VLDLR: variants seen among roughly 807,000 people sequenced by gnomAD.
VLDLR encodes the protein very low density lipoprotein receptor.
In VLDLR, 81 loss-of-function variants were observed where a neutral mutation model predicts 112.7. That is an observed-to-expected ratio of 0.72 (90% CI 0.60 to 0.86). The LOEUF (loss-of-function observed/expected upper bound fraction) is 0.86, where lower values mean the gene tolerates loss of function less well. Ranked by LOEUF, VLDLR falls within the 40% of genes least tolerant of loss-of-function variation. VLDLR has a pLI of 0.00. For missense variants in VLDLR, 1,237 were observed against 1,099.4 expected, an observed-to-expected ratio of 1.13 and a Z score of -1.77; for synonymous variants, 436 against 384.8, an observed-to-expected ratio of 1.13 and a Z score of -1.56.
intron 7 of VLDLR, 107 bp downstream of exon 7, chr9:2,644,066 C>G (rs1476195996): frequency 1.3e-6 from 2 of 1,534,778 alleles, no homozygotes; most frequent in African/African-American, 1.4e-5. Flanking sequence ...TTTGAATGTA[C>G]TGAAGTTCAA....
In VLDLR at chr9:2,643,678, A is replaced by G; in HGVS notation, c.871A>G (p.Ile291Val). ...ATTTGAATGTGAGGATGGCAGCTGC[A>G]TCCATGGCAGCAGGCAGTGTAATGG... ...DQFECEDGSC[I>V]HGSRQCNGIR... Residue 291 changes from isoleucine to valine, a missense_variant, in exon 6 of 19, where the codon ATC becomes GTC. Coordinates refer to ENST00000382100, the MANE Select transcript of VLDLR (RefSeq NM_003383.5). 2.5e-6 allele frequency: 4 copies of G among 1,614,240 alleles called. No individual in the cohort carries two copies. Among genetic ancestry groups the G allele is most frequent in the Non-Finnish European group, 3.4e-6 (4 of 1,180,040 alleles).
rs1167256887 is a variant in VLDLR, at chr9:2,658,050, T to G, written c.*4182T>G. ...TTTCCAAATATGGAGGGAATGAATC[T>G]GAAGAGGGAACAATGGCGTTTTTCG... On this transcript the variant is annotated 3_prime_UTR_variant, in exon 19 of 19. Coordinates refer to ENST00000382100, the MANE Select transcript of VLDLR (RefSeq NM_003383.5). 6.6e-6 allele frequency: 1 copy of G among 152,210 alleles called. No homozygotes were observed. Among genetic ancestry groups the G allele is most frequent in the Non-Finnish European group, 1.5e-5 (1 of 68,048 alleles). The allele number at this position is 152,210 out of a possible 1,614,324, so 9.4% of individuals were successfully genotyped here.
chr9:2,629,143 C>T (rs143349078), intron 1 of VLDLR, among the ~76,000 whole-genome samples: 1 of 152,326 alleles, frequency 6.6e-6, no homozygotes, highest in East Asian at 1.9e-4. Flanking sequence ...AATCAGAATC[C>T]AGGCTGGGGC....
At chr9:2,653,703 C>G in intron 18 of VLDLR, 130 bp from the exon 19 acceptor site, 2 of 914,250 alleles carry the variant, frequency 2.2e-6, no homozygotes, top group Non-Finnish European at 3.7e-6. Context: ...TCTTTTGTAT[C>G]TGACTGACTT....
chr9:2,641,035 G>A (rs1024747136), intron 3 of VLDLR, among the ~76,000 whole-genome samples: 4 of 152,174 alleles, frequency 2.6e-5, no homozygotes, highest in Admixed American at 2.6e-4. Context: ...ATATCTAGGT[G>A]TGCCCACTTG....
rs1198507290 is a variant in VLDLR at position 2,656,445 on chromosome 9, TAAAAA to T, written c.*2578_*2582del. ...CCTGTCTCTACAAAAAAAAAATTTA[TAAAAA>T]TAAAAGAAAAAAATAGTTATATGAC... On this transcript the variant is annotated 3_prime_UTR_variant, in exon 19 of 19. Transcript: ENST00000382100. The T allele has an allele frequency of 1.9e-5, 2 of 107,492 alleles. No homozygotes were observed. The highest frequency in any genetic ancestry group is 2.0e-5 in the Non-Finnish European group (1 of 51,254). 6.7% of individuals were successfully genotyped at this position (107,492 alleles called of 1,614,324 possible). A position where few individuals can be genotyped will look rare whatever the true frequency, so the allele number is the denominator to read the frequency against.
chr9:2,651,813 G>A (rs998451685), intron 16 of VLDLR, 61 bp from the exon 17 acceptor site: 1 of 1,593,430 alleles, frequency 6.3e-7, no homozygotes, highest in Admixed American at 1.7e-5. Flanking sequence ...CTTACCTGAT[G>A]GGTAAATTTC....
chr9:2,633,767 A>G (rs1266501611), intron 1 of VLDLR, among the ~76,000 whole-genome samples: 1 of 152,132 alleles, frequency 6.6e-6, no homozygotes, highest in Admixed American at 6.5e-5. Context: ...CAGTCCCCAA[A>G]GGTAGTAAGG....
intron 1 of VLDLR, among the ~76,000 whole-genome samples, chr9:2,625,754 C>CA (rs1563744423): frequency 6.6e-6 from 1 of 152,158 alleles, no homozygotes; most frequent in Non-Finnish European, 1.5e-5. Context: ...ACTTTCAAGG[C>CA]AAACAGTCCA....
At chr9:2,651,649 C>G (rs1186123410) in intron 16 of VLDLR, 151 bp downstream of exon 16, 1 of 890,946 alleles carries the variant, frequency 1.1e-6, no homozygotes, top group East Asian at 2.6e-5. Flanking sequence ...ACTTGCATAT[C>G]TTTTCCTGAC....
chr9:2,648,087 C>G (rs1586656010), intron 12 of VLDLR, 121 bp from the exon 13 acceptor site: 1 of 1,380,218 alleles, frequency 7.2e-7, no homozygotes, highest in East Asian at 2.4e-5. Flanking sequence ...TATGGTGACC[C>G]CGTTAAGAAA....
intron 1 of VLDLR, among the ~76,000 whole-genome samples, chr9:2,627,528 T>C (rs1817148683): frequency 6.6e-6 from 1 of 152,144 alleles, no homozygotes; most frequent in Non-Finnish European, 1.5e-5. Context: ...ACACTCATTC[T>C]GACAGACAAG....
chr9:2,643,549 A>C lies in VLDLR; in HGVS notation c.820+18A>C. The stretch of plus-strand genomic sequence containing the variant: ...CAACTGTCGTAAGTAGCTTTCTAGC[A>C]TGGCATGTTCAGTTCTCTTCCCTGT... On this transcript the variant is annotated intron_variant, in intron 5 of 18. Transcript: ENST00000382100. 11 of 1,614,222 alleles carry C rather than the reference A, an allele frequency of 6.8e-6. No individual in the cohort carries two copies. The highest frequency in any genetic ancestry group is 7.6e-6 in the Non-Finnish European group (9 of 1,180,038).
intron 3 of VLDLR, 25 bp from the exon 4 acceptor site, chr9:2,641,352 T>A: frequency 3.1e-6 from 5 of 1,613,810 alleles, no homozygotes; most frequent in Non-Finnish European, 3.4e-6. Flanking sequence ...TCTGAGGCTC[T>A]TTTGAGACTG....
chr9:2,653,728 C>T (rs1818463431), intron 18 of VLDLR, 105 bp from the exon 19 acceptor site: 1 of 1,180,490 alleles, frequency 8.5e-7, no homozygotes, highest in Admixed American at 1.7e-5. Context: ...TCTAAGCACT[C>T]TGAGTGTTTG....
intron 18 of VLDLR, among the ~76,000 whole-genome samples, chr9:2,653,332 G>C (rs7859565): frequency 1.1e-4 from 16 of 152,322 alleles, no homozygotes; most frequent in African/African-American, 3.8e-4. Context: ...TATTGAGTAA[G>C]ATTCACTTAG....
At chr9:2,635,729 C>G (rs1205399920) in intron 2 of VLDLR, among the ~76,000 whole-genome samples, 157 bp downstream of exon 2, 2 of 152,048 alleles carry the variant, frequency 1.3e-5, no homozygotes, top group African/African-American at 4.8e-5. Flanking sequence ...GAATGTTTGA[C>G]GTGGGGTTAT....
chr9:2,636,294 G>T (rs1185007982), intron 2 of VLDLR, among the ~76,000 whole-genome samples: 1 of 152,172 alleles, frequency 6.6e-6, no homozygotes, highest in Non-Finnish European at 1.5e-5. Flanking sequence ...TTTGTTCAGG[G>T]TTGTAAACAT....
Position 2,648,668 on chromosome 9 carries a change from G to C in VLDLR, c.1963-1G>C. On this transcript the variant is annotated splice_acceptor_variant, in intron 13 of 18. Transcript: ENST00000382100. LOFTEE classifies it high-confidence loss of function. ...ATGCTAATTGTGGGCTTCTGTTTTA[G>C]GATCGTGTCTACTGGATAGATGGGG... 1.2e-6 allele frequency: 2 copies of C among 1,614,172 alleles called. No homozygotes were observed. The highest frequency in any genetic ancestry group is 1.7e-6 in the Non-Finnish European group (2 of 1,180,032).
Sources: gnomAD v4.1 joint callset for allele counts (sites outside exome capture counted in the v4.1 genomes callset) on GRCh38, gnomAD v4.1.1 for gene constraint, MANE v1.5 for transcripts, NCBI Gene and HGNC (gene_info 2026-07-23, HGNC 2026-07-21) for gene names.